ZC3H12B: variants seen among roughly 807,000 people sequenced by gnomAD.
The protein encoded by ZC3H12B is probable ribonuclease ZC3H12B.
A neutral mutation model predicts 43.9 loss-of-function variants in ZC3H12B; 7 were observed. That is an observed-to-expected ratio of 0.16 (90% CI 0.09 to 0.30). ZC3H12B has a LOEUF of 0.30. Ranked by LOEUF, ZC3H12B falls within the 10% of genes least tolerant of loss-of-function variation. ZC3H12B has a pLI of 1.00. For missense variants in ZC3H12B, 475 were observed against 670.2 expected, an observed-to-expected ratio of 0.71 and a Z score of 3.22; for synonymous variants, 222 against 241.7, an observed-to-expected ratio of 0.92 and a Z score of 0.76.
the ZC3H12B span, among the ~76,000 whole-genome samples, chrX:65,264,827 G>T: frequency 6.3e-5 from 7 of 111,567 alleles, no homozygotes; most frequent in Non-Finnish European, 1.3e-4. Flanking sequence ...TTGTGATCAG[G>T]TTAGGATCAT....
chrX:65,370,991 C>T (rs933471156), intron 2 of ZC3H12B, among the ~76,000 whole-genome samples: 6 of 111,869 alleles, frequency 5.4e-5, no homozygotes, highest in East Asian at 2.8e-4. Flanking sequence ...TTCCTCTTGG[C>T]CTCACTGTCC....
the ZC3H12B span, among the ~76,000 whole-genome samples, chrX:65,295,919 T>A: frequency 9.1e-6 from 1 of 110,473 alleles, no homozygotes; most frequent in African/African-American, 3.3e-5. Flanking sequence ...TAAAAAAAAA[T>A]GCCAGCAAAA....
chrX:65,305,471 T>A, the ZC3H12B span, among the ~76,000 whole-genome samples: 1 of 112,196 alleles, frequency 8.9e-6, no homozygotes, highest in East Asian at 2.8e-4. Flanking sequence ...GTCTAAAGTA[T>A]CCCTTGGGAT....
At chrX:65,427,035 G>C (rs1170950415) in intron 3 of ZC3H12B, among the ~76,000 whole-genome samples, 1 of 111,690 alleles carries the variant, frequency 9.0e-6, no homozygotes, top group Non-Finnish European at 1.9e-5. Context: ...CTGTCTCGAT[G>C]ATCTGTCTAA....
In ZC3H12B at chrX:65,454,075, C is replaced by T. The variant is rs150450745; in HGVS notation, n.408-34571C>T. 8.2e-3 allele frequency among the ~76,000 whole-genome samples: 926 copies of T among 112,414 alleles called. 6 individuals are homozygous for T. Among genetic ancestry groups the T allele is most frequent in the Non-Finnish European group, 0.014 (729 of 53,219 alleles). ...CACCCAGCGTGAGTGACGCAGAAGACAAATGATTTCTGCATTTCCAAATGA... is the reference window on the plus strand; with the variant it reads ...CACCCAGCGTGAGTGACGCAGAAGATAAATGATTTCTGCATTTCCAAATGA... On this transcript the variant is annotated intron_variant and non_coding_transcript_variant, in intron 3 of 5. Coordinates refer to the ZC3H12B transcript ENST00000617377.
At chrX:65,304,467 A>G in the ZC3H12B span, among the ~76,000 whole-genome samples, 1 of 110,400 alleles carries the variant, frequency 9.1e-6, no homozygotes, top group African/African-American at 3.3e-5. Context: ...ATACAAAAAA[A>G]TAGCCGGGCG....
chrX:65,413,663 G>A (rs758817630), intron 3 of ZC3H12B, among the ~76,000 whole-genome samples: 2 of 112,166 alleles, frequency 1.8e-5, no homozygotes, highest in African/African-American at 6.5e-5. Flanking sequence ...ATGGTACCAC[G>A]CTGTTATGAT....
At chrX:65,293,349 A>G in the ZC3H12B span, among the ~76,000 whole-genome samples, 1 of 110,877 alleles carries the variant, frequency 9.0e-6, no homozygotes, top group Non-Finnish European at 1.9e-5. Flanking sequence ...AAAAATCTGA[A>G]CAACAGCTCT....
At chrX:65,373,490 C>T (rs1396064463) in intron 2 of ZC3H12B, among the ~76,000 whole-genome samples, 2 of 110,955 alleles carry the variant, frequency 1.8e-5, no homozygotes, top group African/African-American at 6.6e-5. Flanking sequence ...TGGAACCAAA[C>T]CAAATGTCCA....
the ZC3H12B span, among the ~76,000 whole-genome samples, chrX:65,290,656 G>A: frequency 4.5e-5 from 5 of 111,063 alleles, no homozygotes; most frequent in East Asian, 1.4e-3. Context: ...ATACACAATG[G>A]AATAGTTTTA....
chrX:65,329,250 G>A, the ZC3H12B span, among the ~76,000 whole-genome samples: 1 of 111,430 alleles, frequency 9.0e-6, no homozygotes, highest in Non-Finnish European at 1.9e-5. Flanking sequence ...TCTAAATGGT[G>A]TGAAATGGCA....
chrX:65,083,467 G>A, the ZC3H12B span, among the ~76,000 whole-genome samples: 1 of 111,577 alleles, frequency 9.0e-6, no homozygotes, highest in Admixed American at 9.5e-5. Flanking sequence ...TGCCAGCAGT[G>A]AACAATCTGA....
At chrX:65,232,933 G>T in the ZC3H12B span, among the ~76,000 whole-genome samples, 1 of 111,610 alleles carries the variant, frequency 9.0e-6, no homozygotes, top group East Asian at 2.8e-4. Context: ...CAGAAATGAG[G>T]AGGAGCAGCT....
intron 3 of ZC3H12B, among the ~76,000 whole-genome samples, chrX:65,457,084 C>A (rs1325306860): frequency 1.1e-5 from 1 of 91,062 alleles, no homozygotes; most frequent in Non-Finnish European, 2.2e-5. Context: ...GGGAGCACCT[C>A]TGCCCCGCCG....
chrX:65,306,315 C>T, the ZC3H12B span, among the ~76,000 whole-genome samples: 2 of 112,135 alleles, frequency 1.8e-5, no homozygotes, highest in South Asian at 3.7e-4. Flanking sequence ...TTTGACATTA[C>T]TAAAATGTTA....
chrX:65,124,693 A>G, the ZC3H12B span, among the ~76,000 whole-genome samples: 1 of 110,229 alleles, frequency 9.1e-6, no homozygotes, highest in South Asian at 3.8e-4. Flanking sequence ...GAGATTCTAT[A>G]CCTTCTTAGT....
the ZC3H12B span, among the ~76,000 whole-genome samples, chrX:65,264,015 T>A: frequency 9.0e-6 from 1 of 111,006 alleles, no homozygotes; most frequent in Non-Finnish European, 1.9e-5. Context: ...TTTGCACAAC[T>A]TGAAGGGAGC....
chrX:65,108,136 G>C, the ZC3H12B span, among the ~76,000 whole-genome samples: 1 of 111,345 alleles, frequency 9.0e-6, no homozygotes. Flanking sequence ...CAGTGAGTGA[G>C]TGGCGATTGA....
the ZC3H12B span, among the ~76,000 whole-genome samples, chrX:65,086,264 A>G: frequency 9.0e-6 from 1 of 111,392 alleles, no homozygotes; most frequent in Non-Finnish European, 1.9e-5. Context: ...GTCCTATATC[A>G]CAGGATTTGT....
Sources: allele counts gnomAD v4.1 joint callset (sites outside exome capture counted in the v4.1 genomes callset), GRCh38; gene constraint gnomAD v4.1.1; transcripts MANE v1.5; gene names NCBI Gene and HGNC (gene_info 2026-07-23, HGNC 2026-07-21).